ZFHX3: variants seen among roughly 807,000 people sequenced by gnomAD.
ZFHX3 encodes zinc finger homeobox protein 3.
Under a neutral mutation model 279.1 loss-of-function variants are expected in ZFHX3, and 42 were observed. The observed-to-expected ratio is 0.15, with a 90% CI of 0.12 to 0.19. The LOEUF (loss-of-function observed/expected upper bound fraction) is 0.19. ZFHX3 is among the 10% of genes least tolerant of loss of function. The pLI, the probability that ZFHX3 is intolerant of heterozygous loss-of-function variation, is 1.00. For synonymous variants in ZFHX3, 2,293 were observed against 1,957.8 expected, an observed-to-expected ratio of 1.17 and a Z score of -4.52; for missense variants, 4,981 against 4,754.0, an observed-to-expected ratio of 1.05 and a Z score of -1.40.
At chr16:73,126,601 CAT>C (rs1419567844) in intron 7 of ZFHX3, 2 of 152,192 alleles carry the variant, frequency 1.3e-5, no homozygotes, top group Non-Finnish European at 2.9e-5. Context: ...TTGCAGTGCA[CAT>C]GTTAATAAGT....
In ZFHX3 at chr16:73,006,370, C is replaced by T. The variant is rs150233528; in HGVS notation, c.-50+41382G>A. 8.0e-3 allele frequency among the ~76,000 whole-genome samples: 1,213 copies of T among 152,218 alleles called. 9 individuals are homozygous for T. Among genetic ancestry groups the T allele is most frequent in the Middle Eastern group, 0.02 (6 of 294 alleles). On this transcript the variant is annotated intron_variant, in intron 1 of 9. Coordinates refer to ENST00000268489, the MANE Select transcript of ZFHX3 (RefSeq NM_006885.4). ...AAGTGTGACGGCTCAAGCCTATAAT[C>T]CCAGAATTTTGGGAGGCCAACGCAG...
chr16:73,493,802 C>T (rs1325792028), intron 2 of ZFHX3, among the ~76,000 whole-genome samples: 1 of 151,906 alleles, frequency 6.6e-6, no homozygotes, highest in African/African-American at 2.4e-5. Context: ...ACGGTTGACC[C>T]TTGGCTAGCC....
intron 4 of ZFHX3, among the ~76,000 whole-genome samples, chr16:72,883,657 T>C (rs555296427): frequency 2.0e-5 from 3 of 152,264 alleles, no homozygotes; most frequent in African/African-American, 7.2e-5. Context: ...TACCCTTGCA[T>C]TGTAAAGCAT....
chr16:73,156,738 A>G (rs1274732575), intron 5 of ZFHX3, among the ~76,000 whole-genome samples: 1 of 138,344 alleles, frequency 7.2e-6, no homozygotes, highest in African/African-American at 2.7e-5. Context: ...TTTTTTTTGA[A>G]GAGTCTAGCT....
Position 72,795,998 on chromosome 16 carries a change from G to C in ZFHX3, c.6684C>G (p.Pro2228=). 1 of 1,614,124 alleles carries C rather than the reference G, an allele frequency of 6.2e-7. No individual in the cohort carries two copies. The highest frequency in any genetic ancestry group is 8.5e-7 in the Non-Finnish European group (1 of 1,180,026). The part of the protein sequence containing the change: ...SLEELKIDSR[P]PSPEPPKQEY... ...CCTGCTTTGGAGGTTCCGGCGAAGG[G>C]GGCCGGGAGTCAATCTTGAGCTCCT... Residue 2228 remains proline, a synonymous_variant, in exon 9 of 10, where the codon CCC becomes CCG. Coordinates refer to ENST00000268489, the MANE Select transcript of ZFHX3 (RefSeq NM_006885.4).
intron 3 of ZFHX3, among the ~76,000 whole-genome samples, chr16:73,397,539 C>T (rs192053903): frequency 9.2e-4 from 140 of 152,134 alleles, no homozygotes; most frequent in African/African-American, 2.8e-3. Flanking sequence ...TCACCTTTGG[C>T]GATGGCATAG....
chr16:72,793,571 C>G lies in ZFHX3; in HGVS notation c.9111G>C (p.Leu3037=), dbSNP rs2143380402. ...TLCGIKYSAR[L]SVRDHIFSQQ... ...GGGAAAAGATATGGTCACGTACAGA[C>G]AGCCGAGCGCTGTACTTGATGCCAC... Residue 3037 remains leucine, a synonymous_variant, in exon 9 of 10, where the codon CTG becomes CTC. Transcript: ENST00000268489. The surrounding 1 kb of genome is among the most constrained non-coding windows in gnomAD (Gnocchi z 4.3). The G allele has an allele frequency of 6.2e-7, 1 of 1,614,232 alleles. No homozygotes were observed. Among genetic ancestry groups the G allele is most frequent in the Non-Finnish European group, 8.5e-7 (1 of 1,180,046 alleles).
intron 3 of ZFHX3, among the ~76,000 whole-genome samples, chr16:72,898,990 C>G (rs149716291): frequency 4.5e-4 from 68 of 152,174 alleles, no homozygotes; most frequent in Middle Eastern, 6.8e-3. Flanking sequence ...AAAGTGGGTC[C>G]CACCAAGCTA....
rs550743906 is a variant in ZFHX3, at chr16:73,209,281, T to G, written c.-1104+47766A>C. On this transcript the variant is annotated intron_variant, in intron 5 of 17. Coordinates refer to the ZFHX3 transcript ENST00000641206. The stretch of plus-strand genomic sequence containing the variant: ...AAATAAAAATAATTTAGGAGAGGAA[T>G]AGCATTGTCTTAGTCTGTTTGTGCT... 2.0e-4 allele frequency among the ~76,000 whole-genome samples: 31 copies of G among 152,330 alleles called. 2 individuals are homozygous for G. Among genetic ancestry groups the G allele is most frequent in the Admixed American group, 1.1e-3 (17 of 15,304 alleles).
chr16:73,485,345 T>C (rs899969335), intron 2 of ZFHX3, among the ~76,000 whole-genome samples: 2 of 151,898 alleles, frequency 1.3e-5, no homozygotes, highest in African/African-American at 4.8e-5. Flanking sequence ...TCCTTGCTAG[T>C]TTTAAATGAA....
At chr16:73,483,364 A>AGT in intron 2 of ZFHX3, 1 of 455,406 alleles carries the variant, frequency 2.2e-6, no homozygotes, top group Admixed American at 2.4e-5. Context: ...AGAGAGAGAG[A>AGT]GAGAGTTCCT....
At chr16:73,417,120 T>C (rs2017604661) in intron 3 of ZFHX3, among the ~76,000 whole-genome samples, 1 of 152,016 alleles carries the variant, frequency 6.6e-6, no homozygotes, top group South Asian at 2.1e-4. Flanking sequence ...CATACGCATG[T>C]CTTCGATCAA....
chr16:73,035,062 C>T (rs1458932883), intron 1 of ZFHX3, among the ~76,000 whole-genome samples: 5 of 152,076 alleles, frequency 3.3e-5, no homozygotes, highest in Admixed American at 3.3e-4. Context: ...AGGTAGCCAC[C>T]GACCCTTGTC....
intron 2 of ZFHX3, among the ~76,000 whole-genome samples, chr16:73,485,137 C>G (rs2018950366): frequency 6.6e-6 from 1 of 152,088 alleles, no homozygotes; most frequent in Non-Finnish European, 1.5e-5. Flanking sequence ...TAGATCAGGT[C>G]ATAGCAAAGT....
intron 1 of ZFHX3, among the ~76,000 whole-genome samples, chr16:73,019,359 T>G (rs904270554): frequency 3.3e-5 from 5 of 151,872 alleles, no homozygotes; most frequent in African/African-American, 4.8e-5. Context: ...TGTGTGTGTG[T>G]GTGTGTGTGC....
chr16:73,192,915 T>C (rs1968073898), intron 5 of ZFHX3, among the ~76,000 whole-genome samples: 1 of 152,158 alleles, frequency 6.6e-6, no homozygotes. Context: ...GGGTCTAAAG[T>C]CTGCAACTTC....
chr16:73,139,021 C>T lies in ZFHX3; in HGVS notation c.-1024+4731G>A, dbSNP rs1014689494. Among the ~76,000 whole-genome samples, 4 of 152,262 alleles carry T rather than the reference C, an allele frequency of 2.6e-5. No homozygotes were observed. The South Asian group carries it at 8.3e-4, about 32-fold the overall frequency. On this transcript the variant is annotated intron_variant, in intron 6 of 17. Transcript: ENST00000641206. ...ATTGCCCTTTTATTCTCTCACTGCACCATGTGAATCCCTTTCAACATTTGG... is the reference window on the plus strand; with the variant it reads ...ATTGCCCTTTTATTCTCTCACTGCATCATGTGAATCCCTTTCAACATTTGG...
intron 2 of ZFHX3, among the ~76,000 whole-genome samples, chr16:73,638,101 G>A (rs892667334): frequency 2.0e-5 from 3 of 152,088 alleles, no homozygotes. Context: ...AACATCCTGA[G>A]GGCAGTGTAG....
At chr16:73,069,439 A>G (rs1027008907) in intron 8 of ZFHX3, among the ~76,000 whole-genome samples, 2 of 152,190 alleles carry the variant, frequency 1.3e-5, no homozygotes, top group Admixed American at 6.5e-5. Context: ...GTTTAGCTAT[A>G]TTCTGCCAGC....
Sources: allele counts gnomAD v4.1 joint callset (sites outside exome capture counted in the v4.1 genomes callset), GRCh38; gene constraint gnomAD v4.1.1; non-coding constraint Gnocchi (gnomAD v3.1); transcripts MANE v1.5; gene names NCBI Gene and HGNC (gene_info 2026-07-23, HGNC 2026-07-21).